ROR2: variants seen among roughly 807,000 people sequenced by gnomAD.
ROR2 encodes tyrosine-protein kinase transmembrane receptor ROR2.
In ROR2, 33 loss-of-function variants were observed where a neutral mutation model predicts 74.9. The observed-to-expected ratio is 0.44, with a 90% CI of 0.33 to 0.59. The LOEUF (loss-of-function observed/expected upper bound fraction) is 0.59. Among genes scored for constraint, ROR2 ranks in the 20% least tolerant of loss-of-function variants. The pLI is 0.02. For synonymous variants in ROR2, 586 were observed against 558.7 expected, an observed-to-expected ratio of 1.05 and a Z score of -0.69; for missense variants, 1,216 against 1,313.8, an observed-to-expected ratio of 0.93 and a Z score of 1.15.
chr9:91,794,584 T>A (rs1299165224), intron 1 of ROR2, among the ~76,000 whole-genome samples: 1 of 152,176 alleles, frequency 6.6e-6, no homozygotes, highest in Non-Finnish European at 1.5e-5. Context: ...CATTTCTTTT[T>A]GTCTTTCTCT....
intron 1 of ROR2, among the ~76,000 whole-genome samples, chr9:91,800,593 T>C (rs1415429738): frequency 6.6e-6 from 1 of 152,150 alleles, no homozygotes; most frequent in Non-Finnish European, 1.5e-5. Flanking sequence ...CTGAGCTTAC[T>C]GTATTAAAAA....
At chr9:91,741,331 AT>A (rs1825237101) in intron 4 of ROR2, among the ~76,000 whole-genome samples, 1 of 148,328 alleles carries the variant, frequency 6.7e-6, no homozygotes, top group East Asian at 2.0e-4. Flanking sequence ...AATAATAATA[AT>A]AATAATAATA....
At chr9:91,831,171 G>A (rs7022887) in intron 1 of ROR2, among the ~76,000 whole-genome samples, 18,678 of 151,596 alleles carry the variant, frequency 0.12, 2,551 homozygotes, top group African/African-American at 0.34. Flanking sequence ...TGAGGCAGGC[G>A]AATTGCTTGA....
At chr9:91,751,604 C>T (rs1215917735) in intron 4 of ROR2, among the ~76,000 whole-genome samples, 3 of 152,280 alleles carry the variant, frequency 2.0e-5, no homozygotes, top group East Asian at 3.9e-4. Flanking sequence ...CTAATAGAAA[C>T]TAGCAAATCC....
At chr9:91,911,994 G>A (rs563625555) in intron 1 of ROR2, among the ~76,000 whole-genome samples, 5 of 145,634 alleles carry the variant, frequency 3.4e-5, no homozygotes, top group African/African-American at 7.7e-5. Context: ...AAAATTTATC[G>A]GAGGTACTCC....
At chr9:91,900,487 G>A (rs947255204) in intron 1 of ROR2, among the ~76,000 whole-genome samples, 8 of 152,246 alleles carry the variant, frequency 5.3e-5, no homozygotes, top group South Asian at 2.1e-4. Flanking sequence ...CGAGGGCGCC[G>A]GGCCTGCACG....
At chr9:91,886,541 C>G (rs1830279169) in intron 1 of ROR2, 2 of 152,838 alleles carry the variant, frequency 1.3e-5, no homozygotes, top group Non-Finnish European at 2.9e-5. Context: ...CAGCCTCTTC[C>G]TGCCCTCACG....
Position 91,780,513 on chromosome 9 carries a change from C to T in ROR2, c.98-4695G>A, listed in dbSNP as rs145002524. ...AACAAGATAAGATTAATTGGGCTGG[C>T]GTGGTGGCTCATGCCTGTAATCCCA... On this transcript the variant is annotated intron_variant, in intron 1 of 8. Transcript: ENST00000375708. Among the ~76,000 whole-genome samples the T allele has an allele frequency of 1.1e-3, 173 of 152,282 alleles. 1 individual carries two copies. The highest frequency in any genetic ancestry group is 3.7e-3 in the African/African-American group (152 of 41,552).
intron 1 of ROR2, among the ~76,000 whole-genome samples, chr9:91,810,008 C>A (rs4744104): frequency 6.6e-6 from 1 of 152,166 alleles, no homozygotes; most frequent in African/African-American, 2.4e-5. Flanking sequence ...AGACCCCACA[C>A]AGGCTGCTCA....
chr9:91,859,074 A>C (rs1197762510), intron 1 of ROR2, among the ~76,000 whole-genome samples: 2 of 152,222 alleles, frequency 1.3e-5, no homozygotes, highest in Non-Finnish European at 2.9e-5. Context: ...GGTCCAGCCA[A>C]GTACAAGGCC....
chr9:91,725,160 G>A (rs1199196315), intron 8 of ROR2, 53 bp from the exon 9 acceptor site: 3 of 1,607,666 alleles, frequency 1.9e-6, no homozygotes, highest in Non-Finnish European at 2.5e-6. Context: ...CAGCCCTGGA[G>A]GAAGCTGCAG....
At chr9:91,817,317 C>T (rs1827974115) in intron 1 of ROR2, among the ~76,000 whole-genome samples, 1 of 152,246 alleles carries the variant, frequency 6.6e-6, no homozygotes, top group African/African-American at 2.4e-5. Context: ...CCAAGGAAGG[C>T]AGGAGACCTT....
At chr9:91,898,301 TCTGGATAACACCATGTGG>T (rs1668983959) in intron 1 of ROR2, among the ~76,000 whole-genome samples, 1 of 152,206 alleles carries the variant, frequency 6.6e-6, no homozygotes, top group Non-Finnish European at 1.5e-5. Flanking sequence ...ACAGCTGTCA[TCTGGATAACACCATGTGG>T]CTGGCACTGT....
Position 91,739,541 on chromosome 9 carries a change from T to C in ROR2, c.495-2023A>G, listed in dbSNP as rs566185671. On this transcript the variant is annotated intron_variant, in intron 4 of 8. Transcript: ENST00000375708. ...AAAAAAAAAAAAAAAAAAAAAAGAA[T>C]GTGTTCAGTTTAACCACATGGATTT... Among the ~76,000 whole-genome samples the C allele has an allele frequency of 3.4e-5, 5 of 146,576 alleles. No individual in the cohort carries two copies. In the South Asian group the frequency reaches 1.1e-3, roughly 32 times the overall value.
chr9:91,849,533 C>T (rs1829033386), intron 1 of ROR2, among the ~76,000 whole-genome samples: 1 of 152,230 alleles, frequency 6.6e-6, no homozygotes, highest in Non-Finnish European at 1.5e-5. Flanking sequence ...ATATGTAATC[C>T]ACAGCCCTAG....
intron 2 of ROR2, among the ~76,000 whole-genome samples, chr9:91,757,995 A>T (rs1825814532): frequency 1.3e-5 from 2 of 152,144 alleles, no homozygotes; most frequent in South Asian, 4.1e-4. Flanking sequence ...TGCACTTAGG[A>T]ACACCAGACC....
chr9:91,724,103 T>C lies in ROR2; in HGVS notation c.2391A>G (p.Pro797=). The C allele has an allele frequency of 6.2e-7, 1 of 1,611,110 alleles. No homozygotes were observed. Among genetic ancestry groups the C allele is most frequent in the East Asian group, 2.2e-5 (1 of 44,854 alleles). ...CCTTCATGGGGATGAACTGGGGCTG[T>C]GGGAAGGGCGGGGCCTTCTGCTTGG... ...VGPKQKAPPF[P]QPQFIPMKGQ... Residue 797 remains proline, a synonymous_variant, in exon 9 of 9, where the codon CCA becomes CCG. Transcript: ENST00000375708.
chr9:91,724,228 T>C lies in ROR2; in HGVS notation c.2266A>G (p.Asn756Asp), dbSNP rs764962325. The C allele has an allele frequency of 1.5e-5, 24 of 1,613,494 alleles. No individual in the cohort carries two copies. Among genetic ancestry groups the C allele is most frequent in the Non-Finnish European group, 1.9e-5 (22 of 1,180,022 alleles). ...LRAWGNLSNY[N>D]SSAQTSGASN... The stretch of plus-strand genomic sequence containing the variant: ...GCCCCCGAGGTCTGCGCCGAGCTGT[T>C]GTAGTTGGAAAGGTTGCCCCAGGCT... Residue 756 changes from asparagine (N) to aspartate (D), a missense_variant, in exon 9 of 9, where the codon AAC becomes GAC. Transcript: ENST00000375708.
intron 1 of ROR2, among the ~76,000 whole-genome samples, chr9:91,904,267 G>A (rs572917618): frequency 1.5e-3 from 221 of 152,246 alleles, no homozygotes; most frequent in African/African-American, 4.8e-3. Flanking sequence ...GAAGGATCCC[G>A]GGGTGAGGAG....
Sources: gnomAD v4.1 joint callset for allele counts (sites outside exome capture counted in the v4.1 genomes callset) on GRCh38, gnomAD v4.1.1 for gene constraint, MANE v1.5 for transcripts, NCBI Gene and HGNC (gene_info 2026-07-23, HGNC 2026-07-21) for gene names.